CDHR2: variants seen among roughly 807,000 people sequenced by gnomAD.
CDHR2 encodes cadherin-related family member 2.
A neutral mutation model predicts 138.6 loss-of-function variants in CDHR2; 104 were observed. The ratio of observed to expected loss-of-function variants is 0.75; its 90% confidence interval spans 0.64 to 0.88. CDHR2 has a LOEUF of 0.88. Ranked by LOEUF, CDHR2 falls within the 40% of genes least tolerant of loss-of-function variation. CDHR2 has a pLI of 0.00. For missense variants in CDHR2, 1,624 were observed against 1,727.6 expected (o/e 0.94, Z 1.06); for synonymous variants, 755 against 742.8 (o/e 1.02, Z -0.27).
chr5:176,562,306 C>A (rs1449421444), intron 1 of CDHR2, among the ~76,000 whole-genome samples: 1 of 151,810 alleles, frequency 6.6e-6, no homozygotes, highest in African/African-American at 2.4e-5. Flanking sequence ...GGGAGGGCGG[C>A]CAGTATGGGA....
At position 176,578,108 on chromosome 5, in the gene CDHR2, GGTGGGCC is replaced by G; in HGVS notation, c.1574+16_1574+22del. ...TCCCAGGAAATGGGTAAGGGCTCAG[GGTGGGCC>G]GTAGGCAGGTGGGTGAGCAGGGCCC... On this transcript the variant is annotated intron_variant, in intron 15 of 31. Coordinates refer to ENST00000261944, the MANE Select transcript of CDHR2 (RefSeq NM_017675.6). 1 of 1,609,154 alleles carries G rather than the reference GGTGGGCC, an allele frequency of 6.2e-7. No individual in the cohort carries two copies.
At chr5:176,587,442 C>G (rs972708148) in intron 21 of CDHR2, among the ~76,000 whole-genome samples, 3 of 151,432 alleles carry the variant, frequency 2.0e-5, no homozygotes, top group Admixed American at 1.3e-4. Context: ...GAGTGAAACT[C>G]TGCCTCAAAA....
intron 7 of CDHR2, among the ~76,000 whole-genome samples, 162 bp from the exon 8 acceptor site, chr5:176,574,922 T>A (rs982431718): frequency 1.3e-5 from 2 of 152,124 alleles, no homozygotes; most frequent in African/African-American, 4.8e-5. Context: ...ACCAGCCCCA[T>A]TTCCTGGAGC....
chr5:176,587,357 A>G (rs112118578), intron 21 of CDHR2, among the ~76,000 whole-genome samples: 152 of 152,290 alleles, frequency 1.0e-3, no homozygotes, highest in African/African-American at 3.6e-3. Flanking sequence ...CTGAGGCAGG[A>G]GAGTCACTTG....
upstream of CDHR2, among the ~76,000 whole-genome samples, chr5:176,549,217 C>T (rs148816402): frequency 6.6e-6 from 1 of 152,080 alleles, no homozygotes; most frequent in Admixed American, 6.5e-5. Context: ...GTCCGGCGCC[C>T]CCAGCTGTAC....
In CDHR2 at chr5:176,589,569, C is replaced by G. The variant is rs1487586240; in HGVS notation, c.3159C>G (p.Phe1053Leu). The change falls in exon 24 of 32, where the codon TTC (phenylalanine) becomes TTG (leucine). Residue 1053 changes from phenylalanine (F) to leucine (L), a missense_variant. By Grantham distance (22) the Phe-to-Leu change is conservative. Coordinates refer to ENST00000261944, the MANE Select transcript of CDHR2 (RefSeq NM_017675.6). ...AGAGTTACCGCTCGCGGCTGCAGTT[C>G]TCCACACCGAAGGAGGAGGTGGGCG... ...VDQSYRSRLQ[F>L]STPKEEVGAN... 1 of 1,614,116 alleles carries G rather than the reference C, an allele frequency of 6.2e-7. No individual in the cohort carries two copies. Among genetic ancestry groups the G allele is most frequent in the Non-Finnish European group, 8.5e-7 (1 of 1,180,026 alleles).
At position 176,592,224 on chromosome 5, in the gene CDHR2, GTGA is replaced by G. The variant is rs565242065; in HGVS notation, c.3735-492_3735-490del. ...GCTGATGGTGATGGTGGTGATGATG[GTGA>G]TGATGACAATGATGATGGTGGTGGT... is the stretch of plus-strand genomic sequence containing the variant. On this transcript the variant is annotated intron_variant, in intron 30 of 31. Transcript: ENST00000261944. Among the ~76,000 whole-genome samples the G allele has an allele frequency of 1.2e-3, 176 of 144,550 alleles. 3 individuals carry two copies. The highest frequency in any genetic ancestry group is 4.2e-3 in the African/African-American group (160 of 38,230). 94.8% of individuals were successfully genotyped at this position (144,550 alleles called of 152,430 possible). A position where few individuals can be genotyped will look rare whatever the true frequency, so the allele number is the denominator to read the frequency against.
chr5:176,565,778 G>A (rs1349924039), intron 3 of CDHR2, 35 bp downstream of exon 3: 1 of 1,579,232 alleles, frequency 6.3e-7, no homozygotes, highest in African/African-American at 1.3e-5. Context: ...CCCATGTCAG[G>A]TCCTGACCCA....
At position 176,560,772 on chromosome 5, in the gene CDHR2, C is replaced by T. The variant is rs140136840; in HGVS notation, c.-15-4566C>T. Among the ~76,000 whole-genome samples the T allele has an allele frequency of 9.1e-3, 1,383 of 152,304 alleles. 21 individuals carry two copies. Among genetic ancestry groups the T allele is most frequent in the African/African-American group, 0.032 (1,332 of 41,554 alleles). The stretch of plus-strand genomic sequence containing the variant: ...GAATGAATGAGCGAATCAGGGTACT[C>T]GGCACATATTAGGTGCTCAGGAAAC... On this transcript the variant is annotated intron_variant, in intron 1 of 31. Transcript: ENST00000261944.
upstream of CDHR2, among the ~76,000 whole-genome samples, chr5:176,548,911 CAG>C (rs768478567): frequency 3.9e-5 from 6 of 152,154 alleles, no homozygotes; most frequent in Non-Finnish European, 5.9e-5. Flanking sequence ...GAGAACCTCA[CAG>C]GGGCTGGTCT....
rs370712273 is a variant in CDHR2 at position 176,590,032 on chromosome 5, C to G, written c.3207-46C>G. 24 of 1,514,692 alleles carry G rather than the reference C, an allele frequency of 1.6e-5. No individual in the cohort carries two copies. In the Middle Eastern group the frequency reaches 1.2e-3, roughly 75 times the overall value. 93.8% of individuals were successfully genotyped at this position (1,514,692 alleles called of 1,614,324 possible). A position where few individuals can be genotyped will look rare whatever the true frequency, so the allele number is the denominator to read the frequency against. ...CCACTGGCACAGCCCTGGCCACAGG[C>G]CCAGGCTAAGACCCCAGGCCTCTGT... On this transcript the variant is annotated intron_variant, in intron 24 of 31. Coordinates refer to ENST00000261944, the MANE Select transcript of CDHR2 (RefSeq NM_017675.6).
At chr5:176,575,892 C>G in intron 11 of CDHR2, 53 bp downstream of exon 11, 1 of 1,561,322 alleles carries the variant, frequency 6.4e-7, no homozygotes, top group Non-Finnish European at 8.7e-7. Flanking sequence ...AACCTCTGGC[C>G]TTTGATCTCT....
At chr5:176,550,970 G>C (rs749839877) in intron 1 of CDHR2, among the ~76,000 whole-genome samples, 1 of 152,306 alleles carries the variant, frequency 6.6e-6, no homozygotes, top group African/African-American at 2.4e-5. Flanking sequence ...GTGGGGGCCA[G>C]AGTCTCCCTG....
At position 176,578,514 on chromosome 5, in the gene CDHR2, A is replaced by G; in HGVS notation, c.1724A>G (p.His575Arg). Residue 575 changes from histidine to arginine, a missense_variant, in exon 16 of 32, where the codon CAC becomes CGC. Transcript: ENST00000261944. The part of the protein sequence containing the change: ...NLSSSTTLQI[H>R]LLDINDNAPV... ...TCCTCCTCCACCACACTGCAGATCC[A>G]CCTGCTGGACATCAACGACAATGCA... 6.2e-7 allele frequency: 1 copy of G among 1,614,136 alleles called. No homozygotes were observed. Among genetic ancestry groups the G allele is most frequent in the Non-Finnish European group, 8.5e-7 (1 of 1,180,044 alleles).
Position 176,573,485 on chromosome 5 carries a change from T to TAA in CDHR2, c.406-597_406-596insAA, listed in dbSNP as rs201297153. Among the ~76,000 whole-genome samples, 13 of 150,512 alleles carry TAA rather than the reference T, an allele frequency of 8.6e-5. No individual in the cohort carries two copies. In the South Asian group the frequency reaches 1.1e-3, roughly 12 times the overall value. On this transcript the variant is annotated intron_variant, in intron 6 of 31. Coordinates refer to ENST00000261944, the MANE Select transcript of CDHR2 (RefSeq NM_017675.6). ...TGAAACCCTGTCTCTATTAAAAATA[T>TAA]ATATAAAAAAAATTAGCTAGGCATG...
chr5:176,565,497 C>A, intron 2 of CDHR2, 93 bp downstream of exon 2: 1 of 1,367,874 alleles, frequency 7.3e-7, no homozygotes, highest in Non-Finnish European at 1.0e-6. Context: ...TCAGCAAACA[C>A]CAGCTCCTAT....
chr5:176,542,825 G>A (rs1757483403), intron 1 of CDHR2: 1 of 152,380 alleles, frequency 6.6e-6, no homozygotes, highest in African/African-American at 2.4e-5. Flanking sequence ...GCCGCTCCAG[G>A]GCAGGGCTTA....
At chr5:176,551,554 G>A (rs566785537) in intron 1 of CDHR2, among the ~76,000 whole-genome samples, 6 of 152,094 alleles carry the variant, frequency 3.9e-5, no homozygotes, top group South Asian at 2.1e-4. Context: ...GCAGTGGCGC[G>A]ATCTCGGCTC....
In CDHR2 at chr5:176,571,175, C is replaced by A. The variant is rs777371853; in HGVS notation, c.316-38C>A. The A allele has an allele frequency of 1.7e-5, 24 of 1,425,244 alleles. No homozygotes were observed. In the South Asian group the frequency reaches 2.5e-4, roughly 15 times the overall value. The allele number at this position is 1,425,244 out of a possible 1,614,324, so 88.3% of individuals were successfully genotyped here. ...TTGCAACTTTTCTGGTGTTTTAAAT[C>A]CTATTTTCTGGGGTCCCCTGGGCTT... On this transcript the variant is annotated intron_variant, in intron 5 of 31. Coordinates refer to ENST00000261944, the MANE Select transcript of CDHR2 (RefSeq NM_017675.6).
Sources: allele counts gnomAD v4.1 joint callset (sites outside exome capture counted in the v4.1 genomes callset), GRCh38; gene constraint gnomAD v4.1.1; transcripts MANE v1.5; gene names NCBI Gene and HGNC (gene_info 2026-07-23, HGNC 2026-07-21).